The following PRUNE2 variants were observed in gnomAD, a reference collection of about 807,000 sequenced individuals.
PRUNE2 encodes prune homolog 2 with BCH domain, also known as protein prune homolog 2.
In PRUNE2, 164 loss-of-function variants were observed where a neutral mutation model predicts 252.0. The observed-to-expected ratio is 0.65, with a 90% CI of 0.57 to 0.74. The LOEUF (loss-of-function observed/expected upper bound fraction) is 0.74, where lower values mean the gene tolerates loss of function less well. PRUNE2 is among the 30% of genes least tolerant of loss of function. The pLI, the probability that PRUNE2 is intolerant of heterozygous loss-of-function variation, is 0.00. For missense variants in PRUNE2, 3,495 were observed against 3,711.0 expected, an observed-to-expected ratio of 0.94 and a Z score of 1.51; for synonymous variants, 1,292 against 1,350.2, an observed-to-expected ratio of 0.96 and a Z score of 0.94.
At chr9:76,848,419 A>G (rs1345687281) in intron 3 of PRUNE2, among the ~76,000 whole-genome samples, 1 of 152,246 alleles carries the variant, frequency 6.6e-6, no homozygotes, top group African/African-American at 2.4e-5. Context: ...ATTTGTTTCA[A>G]ACAGCATGAA....
chr9:76,677,433 C>T (rs1218945326), intron 9 of PRUNE2, among the ~76,000 whole-genome samples: 2 of 152,104 alleles, frequency 1.3e-5, no homozygotes, highest in East Asian at 1.9e-4. Flanking sequence ...CATTGTTTTC[C>T]GTTCCTGTTT....
At chr9:76,618,808 G>A (rs1830792963) in intron 18 of PRUNE2, among the ~76,000 whole-genome samples, 1 of 152,184 alleles carries the variant, frequency 6.6e-6, no homozygotes, top group Non-Finnish European at 1.5e-5. Flanking sequence ...GACACTGCGT[G>A]TGAAGCTTTT....
intron 15 of PRUNE2, among the ~76,000 whole-genome samples, chr9:76,632,127 G>A (rs139431620): frequency 3.3e-5 from 5 of 152,274 alleles, no homozygotes; most frequent in African/African-American, 9.6e-5. Flanking sequence ...GTGTCTTTAC[G>A]GTAGAATGAG....
chr9:76,658,382 T>C (rs1320760716), intron 9 of PRUNE2, among the ~76,000 whole-genome samples: 2 of 152,080 alleles, frequency 1.3e-5, no homozygotes, highest in Admixed American at 6.5e-5. Context: ...AAGAAGGCTA[T>C]AGGGACATGT....
At chr9:76,858,476 G>A (rs1246934534) in intron 1 of PRUNE2, among the ~76,000 whole-genome samples, 5 of 152,144 alleles carry the variant, frequency 3.3e-5, no homozygotes, top group Non-Finnish European at 5.9e-5. Flanking sequence ...GATGAAGCTG[G>A]AAACCATCAT....
chr9:76,657,103 T>C (rs17062858), intron 9 of PRUNE2, among the ~76,000 whole-genome samples: 8,478 of 152,264 alleles, frequency 0.056, 538 homozygotes, highest in East Asian at 0.16. Context: ...GACAGATGTC[T>C]GGGTATCCCA....
At chr9:76,712,217 T>A (rs2046792094) in intron 7 of PRUNE2, among the ~76,000 whole-genome samples, 1 of 152,234 alleles carries the variant, frequency 6.6e-6, no homozygotes, top group Non-Finnish European at 1.5e-5. Flanking sequence ...TTATCTCTTT[T>A]AATCACCACA....
At chr9:76,886,915 T>C (rs2133401849) in intron 1 of PRUNE2, among the ~76,000 whole-genome samples, 1 of 152,296 alleles carries the variant, frequency 6.6e-6, no homozygotes, top group Admixed American at 6.5e-5. Context: ...TTTCCAGGGG[T>C]TGAGATATCA....
In PRUNE2 at chr9:76,710,800, C is replaced by T. The variant is rs749199472; in HGVS notation, c.1474G>A (p.Asp492Asn). The stretch of plus-strand genomic sequence containing the variant: ...GGTGCTGGGTCAAAATTGAAGAGGT[C>T]GAAGTGCTCACCGTGTTCTCCAGAC... ...AWSGEHGEHFDLFNFDPAPMA... is the reference protein window; with the variant it reads ...AWSGEHGEHFNLFNFDPAPMA... The change falls in exon 8 of 19, where the codon GAC becomes AAC. Residue 492 changes from aspartate (D) to asparagine (N), a missense_variant. Physicochemically the swap from Asp to Asn is conservative, Grantham distance 23. Coordinates refer to ENST00000376718, the MANE Select transcript of PRUNE2 (RefSeq NM_015225.3). 38 of 1,581,216 alleles carry T rather than the reference C, an allele frequency of 2.4e-5. No homozygotes were observed. The highest frequency in any genetic ancestry group is 1.8e-4 in the East Asian group (8 of 44,678).
chr9:76,792,897 A>G (rs1010049933), intron 6 of PRUNE2, among the ~76,000 whole-genome samples: 1 of 152,256 alleles, frequency 6.6e-6, no homozygotes, highest in Non-Finnish European at 1.5e-5. Context: ...ATGCTAGTAC[A>G]GTATTCATGA....
At chr9:76,719,862 G>A (rs1384785044) in intron 6 of PRUNE2, among the ~76,000 whole-genome samples, 2 of 151,984 alleles carry the variant, frequency 1.3e-5, no homozygotes, top group African/African-American at 4.8e-5. Flanking sequence ...GCCCAGGCTG[G>A]TCCTGAACTC....
rs1037751836 is a variant in PRUNE2, at chr9:76,776,663, C to G, written c.756+46969G>C. On this transcript the variant is annotated intron_variant, in intron 6 of 18. Transcript: ENST00000376718. The stretch of plus-strand genomic sequence containing the variant: ...CTAAGTAGCTAGGATTACAGGTGCC[C>G]GCCACTATGCCTAGCTAGTATTTCT... Among the ~76,000 whole-genome samples, 3 of 151,370 alleles carry G rather than the reference C, an allele frequency of 2.0e-5. No individual in the cohort carries two copies. In the East Asian group the frequency reaches 5.9e-4, roughly 30 times the overall value.
At chr9:76,653,722 AC>A (rs1178501209) in intron 10 of PRUNE2, among the ~76,000 whole-genome samples, 1 of 151,184 alleles carries the variant, frequency 6.6e-6, no homozygotes, top group Admixed American at 6.6e-5. Context: ...AGTGCCCTTT[AC>A]CTGGCCGAAG....
chr9:76,867,372 C>A (rs555138785), intron 1 of PRUNE2, among the ~76,000 whole-genome samples: 1 of 152,184 alleles, frequency 6.6e-6, no homozygotes, highest in South Asian at 2.1e-4. Flanking sequence ...TCACACACCA[C>A]GCTGACATGA....
In PRUNE2 at chr9:76,709,826, C is replaced by T. The variant is rs267602277; in HGVS notation, c.2448G>A (p.Trp816Ter). ...TCTTGCTGCTTGTTGGGTGCAAATT[C>T]CAGGTATTTTTTAAAGCTTCATCAT... ...EDHDEALKNT[W>*]NLHPTSSKTP... Residue 816 changes from tryptophan (W) to a stop codon, truncating the protein, a stop_gained, in exon 8 of 19, where the codon TGG (tryptophan) becomes TGA (stop). Coordinates refer to ENST00000376718, the MANE Select transcript of PRUNE2 (RefSeq NM_015225.3). LOFTEE classifies it high-confidence loss of function. The T allele has an allele frequency of 1.1e-5, 17 of 1,613,814 alleles. No individual in the cohort carries two copies. The highest frequency in any genetic ancestry group is 1.4e-5 in the Non-Finnish European group (16 of 1,179,818).
intron 6 of PRUNE2, among the ~76,000 whole-genome samples, chr9:76,768,816 A>C (rs1172342742): frequency 2.0e-5 from 3 of 151,944 alleles, no homozygotes; most frequent in Non-Finnish European, 4.4e-5. Flanking sequence ...ATGGTATGAG[A>C]CTCTGTATGG....
rs192030183 is a variant in PRUNE2, at chr9:76,867,866, C to T, written c.37-13658G>A. Among the ~76,000 whole-genome samples the T allele has an allele frequency of 7.0e-3, 1,067 of 152,238 alleles. 8 individuals are homozygous for T. Among genetic ancestry groups the T allele is most frequent in the Non-Finnish European group, 0.011 (736 of 68,002 alleles). The stretch of plus-strand genomic sequence containing the variant: ...GATTACAGGTGTGAGCCACTGCGCC[C>T]GGCCGGTTTTGCTTTTTTCTCTTAA... On this transcript the variant is annotated intron_variant, in intron 1 of 18. Coordinates refer to ENST00000376718, the MANE Select transcript of PRUNE2 (RefSeq NM_015225.3).
At position 76,713,725 on chromosome 9, in the gene PRUNE2, A is replaced by T. The variant is rs1444608199; in HGVS notation, c.757-4T>A. The T allele has an allele frequency of 6.3e-7, 1 of 1,584,082 alleles. No homozygotes were observed. Among genetic ancestry groups the T allele is most frequent in the East Asian group, 2.3e-5 (1 of 44,254 alleles). ...TATTGCTGTGAAATAGACAATTCTGAAACGACAACAGGAAATTTGATATTA... is the reference window on the plus strand; with the variant it reads ...TATTGCTGTGAAATAGACAATTCTGTAACGACAACAGGAAATTTGATATTA... On this transcript the variant is annotated splice_polypyrimidine_tract_variant and splice_region_variant and intron_variant, in intron 6 of 18. Coordinates refer to ENST00000376718, the MANE Select transcript of PRUNE2 (RefSeq NM_015225.3).
intron 15 of PRUNE2, among the ~76,000 whole-genome samples, chr9:76,630,803 G>A (rs11144984): frequency 0.01 from 1,532 of 152,326 alleles, 24 homozygotes; most frequent in African/African-American, 0.035. Context: ...TGGGATTACA[G>A]GCGTAAGCCT....
Sources: allele counts gnomAD v4.1 joint callset (sites outside exome capture counted in the v4.1 genomes callset), GRCh38; gene constraint gnomAD v4.1.1; transcripts MANE v1.5; gene names NCBI Gene and HGNC (gene_info 2026-07-23, HGNC 2026-07-21).